Variants in SLC12A2 observed in about 807,000 individuals in gnomAD.
The protein encoded by SLC12A2 is Na-K-2Cl cotransporter 1.
A neutral mutation model predicts 136.3 loss-of-function variants in SLC12A2; 67 were observed. The ratio of observed to expected loss-of-function variants is 0.49; its 90% CI spans 0.40 to 0.60. The LOEUF is 0.60. Ranked by LOEUF, SLC12A2 falls within the 20% of genes least tolerant of loss-of-function variation. SLC12A2 has a pLI of 0.00. For missense variants in SLC12A2, 1,322 were observed against 1,534.7 expected, an observed-to-expected ratio of 0.86 and a Z score of 2.32; for synonymous variants, 619 against 562.9, an observed-to-expected ratio of 1.10 and a Z score of -1.41.
intron 3 of SLC12A2, 48 bp from the exon 4 acceptor site, chr5:128,114,538 C>A: frequency 7.7e-7 from 1 of 1,301,374 alleles, no homozygotes; most frequent in Non-Finnish European, 1.1e-6. Context: ...TACCGATGAG[C>A]TTAAACAAGA....
intron 18 of SLC12A2, among the ~76,000 whole-genome samples, 181 bp from the exon 19 acceptor site, chr5:128,171,486 T>C (rs1763373880): frequency 6.6e-6 from 1 of 152,172 alleles, no homozygotes; most frequent in African/African-American, 2.4e-5. Context: ...GAAGAGAATG[T>C]TGTGGAATTT....
At chr5:128,146,525 C>G (rs1428940093) in intron 10 of SLC12A2, among the ~76,000 whole-genome samples, 1 of 138,864 alleles carries the variant, frequency 7.2e-6, no homozygotes, top group Non-Finnish European at 1.5e-5. Flanking sequence ...GTGATCAATC[C>G]TATGTTGTTG....
intron 1 of SLC12A2, among the ~76,000 whole-genome samples, chr5:128,106,066 C>T (rs1031565972): frequency 1.3e-5 from 2 of 151,956 alleles, no homozygotes; most frequent in African/African-American, 4.8e-5. Context: ...TTTCTCTGTC[C>T]TACCAGTCCC....
chr5:128,151,202 G>A (rs756601683), intron 13 of SLC12A2, 39 bp from the exon 14 acceptor site: 1 of 1,563,356 alleles, frequency 6.4e-7, no homozygotes, highest in Non-Finnish European at 8.7e-7. Context: ...TAAAGCAGAT[G>A]AGGTATTTGT....
At chr5:128,180,288 T>G (rs574028997) in intron 22 of SLC12A2, among the ~76,000 whole-genome samples, 19 of 152,192 alleles carry the variant, frequency 1.2e-4, no homozygotes, top group African/African-American at 4.3e-4. Flanking sequence ...TGGGTTATTT[T>G]CTAATACAAG....
chr5:128,135,468 A>T lies in SLC12A2; in HGVS notation c.1300-232A>T, dbSNP rs894583586. On this transcript the variant is annotated intron_variant, in intron 6 of 26. Transcript: ENST00000262461. ...TAACTCATTTCAGAAATATGGCATG[A>T]TCTCACTTTTACTATCTTTTTTTTC... 2.6e-5 allele frequency among the ~76,000 whole-genome samples: 4 copies of T among 152,018 alleles called. 1 individual carries two copies. Among genetic ancestry groups the T allele is most frequent in the Non-Finnish European group, 5.9e-5 (4 of 67,922 alleles).
In SLC12A2 at chr5:128,084,287, G is replaced by T; in HGVS notation, c.333G>T (p.Ala111=). 1.4e-6 allele frequency: 2 copies of T among 1,456,940 alleles called. No homozygotes were observed. The highest frequency in any genetic ancestry group is 2.7e-5 in the East Asian group (1 of 37,038). 90.3% of individuals were successfully genotyped at this position (1,456,940 alleles called of 1,614,324 possible). A position where few individuals can be genotyped will look rare whatever the true frequency, so the allele number is the denominator to read the frequency against. The change falls in exon 1 of 27, where the codon GCG becomes GCT. Residue 111 remains alanine, a synonymous_variant. Coordinates refer to ENST00000262461, the MANE Select transcript of SLC12A2 (RefSeq NM_001046.3). The surrounding 1 kb of genome is among the most constrained non-coding windows in gnomAD (Gnocchi z 5.6). ...CAGCGGCGGCGGCTGGTGCTGGGGC[G>T]GGGGCCAAGCAGACCCCCGCGGACG... The part of the protein sequence containing the change: ...AAAAAAAGAG[A]GAKQTPADGE...
intron 11 of SLC12A2, 86 bp from the exon 12 acceptor site, chr5:128,148,668 C>A: frequency 8.9e-7 from 1 of 1,119,142 alleles, no homozygotes. Context: ...AAACTTGAAT[C>A]TCATTCCTGA....
At chr5:128,136,230 G>T (rs763486613) in intron 7 of SLC12A2, among the ~76,000 whole-genome samples, 1 of 152,098 alleles carries the variant, frequency 6.6e-6, no homozygotes, top group Non-Finnish European at 1.5e-5. Flanking sequence ...CAGGCCATTT[G>T]ATTTTTAGGA....
rs910108284 is a variant in SLC12A2, at chr5:128,083,851, C to G, written c.-104C>G. 5.8e-6 allele frequency: 5 copies of G among 865,918 alleles called. No individual in the cohort carries two copies. The Admixed American group carries it at 2.2e-4, about 39-fold the overall frequency. 53.6% of individuals were successfully genotyped at this position (865,918 alleles called of 1,614,324 possible). On this transcript the variant is annotated 5_prime_UTR_variant, in exon 1 of 27. Coordinates refer to ENST00000262461, the MANE Select transcript of SLC12A2 (RefSeq NM_001046.3). ...CGCAGGCGGCGGGGAGAAAGACTCT[C>G]TCACCTGGTCTTGCGGCTGTGGCCA...
At chr5:128,112,787 A>G (rs1761201136) in intron 1 of SLC12A2, 27 bp from the exon 2 acceptor site, 1 of 1,561,640 alleles carries the variant, frequency 6.4e-7, no homozygotes, top group East Asian at 2.2e-5. Context: ...AATGTTAAGC[A>G]TAATTCATAT....
intron 26 of SLC12A2, among the ~76,000 whole-genome samples, chr5:128,185,122 TA>T (rs1379078376): frequency 6.6e-6 from 1 of 152,200 alleles, no homozygotes; most frequent in Non-Finnish European, 1.5e-5. Flanking sequence ...CTCACCTTTT[TA>T]AAATTCCTTA....
intron 4 of SLC12A2, among the ~76,000 whole-genome samples, chr5:128,118,144 A>T (rs1188943526): frequency 6.6e-6 from 1 of 152,214 alleles, no homozygotes; most frequent in East Asian, 1.9e-4. Context: ...TATAACCACT[A>T]TGTAAAATAG....
intron 1 of SLC12A2, among the ~76,000 whole-genome samples, chr5:128,100,716 T>C (rs929679493): frequency 2.0e-5 from 3 of 152,208 alleles, no homozygotes; most frequent in Non-Finnish European, 2.9e-5. Flanking sequence ...ACTAGACATA[T>C]ACTTCTCTAT....
Position 128,161,737 on chromosome 5 carries a change from GA to G in SLC12A2, c.2555del (p.Lys852ArgfsTer12). On this transcript the variant is annotated frameshift_variant, in exon 17 of 27. Coordinates refer to ENST00000262461, the MANE Select transcript of SLC12A2 (RefSeq NM_001046.3). LOFTEE classifies it high-confidence loss of function. ...YQRWLIKNKM[K>X]AFYAPVHADD... is the part of the protein sequence containing the mutation. ...AGCGATGGCTTATTAAGAACAAAAT[GA>G]AGGCATTTTATGCTCCAGTACATGC... The G allele has an allele frequency of 6.5e-7, 1 of 1,535,420 alleles. No homozygotes were observed.
At chr5:128,107,536 T>TG (rs2126662326) in intron 1 of SLC12A2, among the ~76,000 whole-genome samples, 1 of 152,312 alleles carries the variant, frequency 6.6e-6, no homozygotes, top group African/African-American at 2.4e-5. Flanking sequence ...AGTGAGAACA[T>TG]GCAGTGTTTG....
At position 128,188,512 on chromosome 5, in the gene SLC12A2, G is replaced by GTCTA. The variant is rs1177191773; in HGVS notation, c.*1885_*1888dup. On this transcript the variant is annotated 3_prime_UTR_variant, in exon 27 of 27. Coordinates refer to ENST00000262461, the MANE Select transcript of SLC12A2 (RefSeq NM_001046.3). ...GTTTCACCGTGTTGGCTAGGATGGT[G>GTCTA]TCTATCTCTTGACCTTGTGATCCAC... is the stretch of plus-strand genomic sequence containing the variant. 2.0e-5 allele frequency: 3 copies of GTCTA among 151,548 alleles called. No homozygotes were observed. Among genetic ancestry groups the GTCTA allele is most frequent in the Non-Finnish European group, 2.9e-5 (2 of 67,870 alleles). 9.4% of individuals were successfully genotyped at this position (151,548 alleles called of 1,614,324 possible).
intron 10 of SLC12A2, 133 bp from the exon 11 acceptor site, chr5:128,147,489 T>C: frequency 3.5e-6 from 2 of 569,048 alleles, no homozygotes; most frequent in Non-Finnish European, 6.3e-6. Context: ...GTAATGCACA[T>C]AGCGTTGTTG....
At chr5:128,182,538 TTATCAA>T (rs1404700233) in intron 23 of SLC12A2, among the ~76,000 whole-genome samples, 1 of 152,172 alleles carries the variant, frequency 6.6e-6, no homozygotes, top group Non-Finnish European at 1.5e-5. Flanking sequence ...ATTTATGTAC[TTATCAA>T]TATAGTTTGA....
Sources: gnomAD v4.1 joint callset for allele counts (sites outside exome capture counted in the v4.1 genomes callset) on GRCh38, gnomAD v4.1.1 for gene constraint, Gnocchi (gnomAD v3.1) non-coding constraint, MANE v1.5 for transcripts, NCBI Gene and HGNC (gene_info 2026-07-23, HGNC 2026-07-21) for gene names.